ALDH1L2: variants seen among roughly 807,000 people sequenced by gnomAD.
The protein encoded by ALDH1L2 is mitochondrial 10-formyltetrahydrofolate dehydrogenase.
ALDH1L2 carries 91 observed loss-of-function variants against 111.0 expected under a neutral mutation model. The ratio of observed to expected loss-of-function variants is 0.82; its 90% CI spans 0.69 to 0.98. ALDH1L2 has a LOEUF of 0.98. Ranked by LOEUF, ALDH1L2 falls within the 50% of genes least tolerant of loss-of-function variation. The pLI is 0.00. For missense variants in ALDH1L2, 995 were observed against 1,126.8 expected (o/e 0.88, Z 1.67); for synonymous variants, 374 against 392.6 (o/e 0.95, Z 0.56).
intron 12 of ALDH1L2, among the ~76,000 whole-genome samples, chr12:105,051,063 T>TA (rs1473520092): frequency 6.6e-6 from 1 of 152,242 alleles, no homozygotes; most frequent in African/African-American, 2.4e-5. Flanking sequence ...ATTACTGATT[T>TA]ATAATATTCT....
chr12:105,054,681 T>A (rs149610811), intron 10 of ALDH1L2, among the ~76,000 whole-genome samples: 173 of 152,284 alleles, frequency 1.1e-3, no homozygotes, highest in African/African-American at 3.9e-3. Context: ...TCTCAGAGAT[T>A]TTCTGGTTTT....
intron 15 of ALDH1L2, among the ~76,000 whole-genome samples, chr12:105,043,255 A>G (rs1012050933): frequency 6.6e-6 from 1 of 152,182 alleles, no homozygotes; most frequent in African/African-American, 2.4e-5. Context: ...GCCTGATTAC[A>G]TGGGTTCACA....
chr12:105,057,969 T>C (rs540371806), intron 10 of ALDH1L2, 104 bp downstream of exon 10: 1 of 1,335,102 alleles, frequency 7.5e-7, no homozygotes, highest in African/African-American at 1.5e-5. Context: ...GCTGTTGTTT[T>C]TTAAAGGTCA....
At chr12:105,050,196 C>T in intron 12 of ALDH1L2, 138 bp from the exon 13 acceptor site, 1 of 740,758 alleles carries the variant, frequency 1.3e-6, no homozygotes, top group African/African-American at 1.8e-5. Context: ...GATCATGGTC[C>T]AGTAGGCAAG....
At chr12:105,063,604 T>A (rs1019457876) in intron 6 of ALDH1L2, among the ~76,000 whole-genome samples, 1 of 151,882 alleles carries the variant, frequency 6.6e-6, no homozygotes, top group East Asian at 1.9e-4. Flanking sequence ...CATATTTGCA[T>A]TGATACAAAG....
At chr12:105,034,756 C>T (rs541610381) in intron 18 of ALDH1L2, among the ~76,000 whole-genome samples, 86 of 152,146 alleles carry the variant, frequency 5.7e-4, no homozygotes, top group African/African-American at 1.6e-3. Flanking sequence ...GAGGCTGAGG[C>T]GGGCAGATCA....
At position 105,021,651 on chromosome 12, in the gene ALDH1L2, T is replaced by A. The variant is rs1450920436; in HGVS notation, c.*2773A>T. 1 of 152,180 alleles carries A rather than the reference T, an allele frequency of 6.6e-6. No individual in the cohort carries two copies. The highest frequency in any genetic ancestry group is 1.9e-4 in the East Asian group (1 of 5,176). 9.4% of individuals were successfully genotyped at this position (152,180 alleles called of 1,614,324 possible). A position where few individuals can be genotyped will look rare whatever the true frequency, so the allele number is the denominator to read the frequency against. ...TAAGAAAAGCACGTTGATTTCTTCATTTTTTTCAGAGATTGTGAAGATTAA... is the reference window on the plus strand; with the variant it reads ...TAAGAAAAGCACGTTGATTTCTTCAATTTTTTCAGAGATTGTGAAGATTAA... On this transcript the variant is annotated 3_prime_UTR_variant, in exon 23 of 23. Transcript: ENST00000258494.
intron 22 of ALDH1L2, 119 bp downstream of exon 22, chr12:105,026,424 CCA>C (rs1349033983): frequency 8.8e-7 from 1 of 1,135,750 alleles, no homozygotes; most frequent in Middle Eastern, 2.3e-4. Context: ...CCTTCTAAAC[CCA>C]GATATAACTG....
chr12:105,063,570 G>A (rs1877146183), intron 6 of ALDH1L2, among the ~76,000 whole-genome samples: 1 of 151,980 alleles, frequency 6.6e-6, no homozygotes, highest in Non-Finnish European at 1.5e-5. Context: ...CCCACATCCA[G>A]GTGACATGAG....
chr12:105,067,646 G>A (rs1320931168), intron 4 of ALDH1L2, among the ~76,000 whole-genome samples: 1 of 151,958 alleles, frequency 6.6e-6, no homozygotes, highest in Non-Finnish European at 1.5e-5. Flanking sequence ...TTTTCACTGC[G>A]AGGCCCACGT....
chr12:105,036,905 C>T (rs1264842547), intron 18 of ALDH1L2, among the ~76,000 whole-genome samples: 1 of 152,102 alleles, frequency 6.6e-6, no homozygotes, highest in African/African-American at 2.4e-5. Context: ...TTGTCTGTCA[C>T]TGAAACCTCC....
intron 1 of ALDH1L2, among the ~76,000 whole-genome samples, chr12:105,083,548 C>T (rs1386471453): frequency 6.6e-6 from 1 of 152,212 alleles, no homozygotes; most frequent in Middle Eastern, 3.4e-3. Flanking sequence ...TTTGGCATGG[C>T]CGAGAAAAAG....
chr12:105,034,544 A>G (rs1874876575), intron 18 of ALDH1L2, 146 bp from the exon 19 acceptor site: 3 of 644,140 alleles, frequency 4.7e-6, no homozygotes, highest in Non-Finnish European at 7.9e-6. Context: ...CTTGTTAGTG[A>G]TGAGAGCTTC....
chr12:105,026,494 T>G, intron 22 of ALDH1L2, 51 bp downstream of exon 22: 3 of 1,601,464 alleles, frequency 1.9e-6, no homozygotes, highest in Non-Finnish European at 2.6e-6. Flanking sequence ...GAGCAGATTT[T>G]TCTGTGATGT....
intron 21 of ALDH1L2, among the ~76,000 whole-genome samples, chr12:105,029,563 G>A (rs61060789): frequency 0.043 from 6,491 of 152,240 alleles, 351 homozygotes; most frequent in East Asian, 0.14. Context: ...ATGGGAGAAT[G>A]TATAATGAGA....
intron 19 of ALDH1L2, among the ~76,000 whole-genome samples, 154 bp downstream of exon 19, chr12:105,034,146 T>C (rs1476107382): frequency 6.6e-6 from 1 of 152,336 alleles, no homozygotes; most frequent in South Asian, 2.1e-4. Context: ...TATGCCAGTA[T>C]GTAGCTATAA....
chr12:105,059,674 G>C (rs899918768), intron 9 of ALDH1L2, among the ~76,000 whole-genome samples: 1 of 152,158 alleles, frequency 6.6e-6, no homozygotes, highest in Non-Finnish European at 1.5e-5. Context: ...ATGAATAAAG[G>C]GGACGTTGTC....
At position 105,062,265 on chromosome 12, in the gene ALDH1L2, A is replaced by G. The variant is rs534803929; in HGVS notation, c.922-513T>C. On this transcript the variant is annotated intron_variant, in intron 7 of 22. Transcript: ENST00000258494. ...TTACTGATGCAGAAAGGGAGGCTCA[A>G]TGAGGTTCAGTAATTTGCTCAGTGC... Among the ~76,000 whole-genome samples, 42 of 152,378 alleles carry G rather than the reference A, an allele frequency of 2.8e-4. No homozygotes were observed. The South Asian group carries it at 5.4e-3, about 20-fold the overall frequency.
chr12:105,067,664 A>G (rs890047089), intron 4 of ALDH1L2, among the ~76,000 whole-genome samples: 6 of 152,072 alleles, frequency 3.9e-5, no homozygotes, highest in Admixed American at 6.6e-5. Context: ...CGTGAGTTCA[A>G]GTTCTCAGAT....
Sources: allele counts gnomAD v4.1 joint callset (sites outside exome capture counted in the v4.1 genomes callset), GRCh38; gene constraint gnomAD v4.1.1; transcripts MANE v1.5; gene names NCBI Gene and HGNC (gene_info 2026-07-23, HGNC 2026-07-21).